The following TTC28 variants were observed in gnomAD, a reference collection of about 807,000 sequenced individuals.
TTC28 encodes tetratricopeptide repeat domain 28, also known as tetratricopeptide repeat protein 28.
TTC28 carries 61 observed loss-of-function variants against 198.0 expected under a neutral mutation model. The observed-to-expected ratio is 0.31, with a 90% CI of 0.25 to 0.38. TTC28 has a LOEUF of 0.38. Ranked by LOEUF, TTC28 falls within the 10% of genes least tolerant of loss-of-function variation. The pLI is 1.00. For synonymous variants in TTC28, 1,171 were observed against 1,297.8 expected (o/e 0.90, Z 2.10); for missense variants, 2,678 against 3,164.0 (o/e 0.85, Z 3.69).
rs999216448 is a variant in TTC28 at position 28,579,693 on chromosome 22, C to A, written c.381+49859G>T. ...ACCCAAAAAAAACCGAAGGGCTGAGCACAGTGGCTCACGCCTATAATCCCA... is the reference window on the plus strand; with the variant it reads ...ACCCAAAAAAAACCGAAGGGCTGAGAACAGTGGCTCACGCCTATAATCCCA... On this transcript the variant is annotated intron_variant, in intron 2 of 22. Transcript: ENST00000397906. 2.0e-5 allele frequency among the ~76,000 whole-genome samples: 3 copies of A among 151,670 alleles called. No individual in the cohort carries two copies. The South Asian group carries it at 6.2e-4, about 32-fold the overall frequency.
At chr22:28,548,484 G>A (rs1216293250) in intron 2 of TTC28, among the ~76,000 whole-genome samples, 1 of 152,134 alleles carries the variant, frequency 6.6e-6, no homozygotes, top group African/African-American at 2.4e-5. Flanking sequence ...CAAATCATCA[G>A]TTATAAAGCT....
At chr22:28,018,307 G>A (rs1480510488) in intron 13 of TTC28, among the ~76,000 whole-genome samples, 1 of 42,750 alleles carries the variant, frequency 2.3e-5, no homozygotes, top group African/African-American at 1.4e-4. Context: ...GTGCGCGCGC[G>A]GGGGGGGGGG....
intron 6 of TTC28, among the ~76,000 whole-genome samples, chr22:28,113,472 T>C (rs899463953): frequency 6.6e-6 from 1 of 152,164 alleles, no homozygotes. Context: ...TAATGGAGAT[T>C]CGTCTCCAGT....
intron 2 of TTC28, among the ~76,000 whole-genome samples, chr22:28,575,308 C>T (rs959886192): frequency 6.6e-6 from 1 of 152,092 alleles, no homozygotes; most frequent in Non-Finnish European, 1.5e-5. Flanking sequence ...GTTCTTGGCA[C>T]CTTTGTCAAA....
At chr22:28,296,094 G>A in intron 5 of TTC28, 104 bp downstream of exon 5, 1 of 1,225,568 alleles carries the variant, frequency 8.2e-7, no homozygotes, top group Non-Finnish European at 1.1e-6. Context: ...TCTTCTGAAA[G>A]TAATATTTTA....
chr22:28,354,929 C>T (rs576998504), intron 2 of TTC28, among the ~76,000 whole-genome samples: 7 of 150,848 alleles, frequency 4.6e-5, no homozygotes, highest in African/African-American at 1.5e-4. Context: ...CCCACTAACT[C>T]GTCATCTAGC....
At chr22:28,116,226 T>C (rs1415737487) in intron 6 of TTC28, among the ~76,000 whole-genome samples, 2 of 152,126 alleles carry the variant, frequency 1.3e-5, no homozygotes, top group African/African-American at 2.4e-5. Context: ...ACTGCCTTCA[T>C]GCATAGCCAT....
At chr22:28,164,309 C>A (rs551134868) in intron 5 of TTC28, among the ~76,000 whole-genome samples, 49 of 152,312 alleles carry the variant, frequency 3.2e-4, no homozygotes, top group Admixed American at 9.2e-4. Flanking sequence ...GTTCTCCCAG[C>A]ACGCAACCTG....
intron 2 of TTC28, among the ~76,000 whole-genome samples, chr22:28,457,037 ATAAG>A (rs1328930198): frequency 1.3e-5 from 2 of 152,242 alleles, no homozygotes; most frequent in African/African-American, 2.4e-5. Context: ...TGAATTTATT[ATAAG>A]TAAGACCACA....
At chr22:28,576,210 G>T in intron 2 of TTC28, among the ~76,000 whole-genome samples, 1 of 151,544 alleles carries the variant, frequency 6.6e-6, no homozygotes. Context: ...AAGGGATGTT[G>T]AGTTTTATCA....
At chr22:28,264,558 G>C (rs1407249065) in intron 5 of TTC28, among the ~76,000 whole-genome samples, 1 of 152,158 alleles carries the variant, frequency 6.6e-6, no homozygotes, top group African/African-American at 2.4e-5. Flanking sequence ...GGAAGAGAGA[G>C]ATACATAGAT....
At chr22:28,190,827 G>C (rs1924665512) in intron 5 of TTC28, among the ~76,000 whole-genome samples, 2 of 152,148 alleles carry the variant, frequency 1.3e-5, no homozygotes, top group Admixed American at 6.5e-5. Context: ...GGGAGCTCGT[G>C]TTTTGAGGCC....
At chr22:28,090,170 GA>G (rs1941769553) in intron 12 of TTC28, among the ~76,000 whole-genome samples, 2 of 151,444 alleles carry the variant, frequency 1.3e-5, no homozygotes, top group Admixed American at 6.6e-5. Context: ...TAAAAATAAG[GA>G]AAAGTAAAAA....
chr22:28,286,127 G>A (rs2044682132), intron 5 of TTC28, among the ~76,000 whole-genome samples: 1 of 151,596 alleles, frequency 6.6e-6, no homozygotes, highest in African/African-American at 2.4e-5. Context: ...AGCCTCTAGA[G>A]GTTCAAGATT....
chr22:28,048,580 A>C (rs1939958400), intron 12 of TTC28, among the ~76,000 whole-genome samples: 1 of 152,226 alleles, frequency 6.6e-6, no homozygotes, highest in Non-Finnish European at 1.5e-5. Context: ...AAATTCTTTC[A>C]AATTAATCTT....
intron 1 of TTC28, among the ~76,000 whole-genome samples, 176 bp from the exon 2 acceptor site, chr22:28,630,006 T>TA (rs1185560717): frequency 1.3e-5 from 2 of 152,126 alleles, no homozygotes; most frequent in East Asian, 3.9e-4. Flanking sequence ...CATGAACAGA[T>TA]TAATGCCCTC....
At position 28,098,990 on chromosome 22, in the gene TTC28, T is replaced by C; in HGVS notation, c.3472A>G (p.Thr1158Ala). The C allele has an allele frequency of 6.4e-7, 1 of 1,551,968 alleles. No individual in the cohort carries two copies. The highest frequency in any genetic ancestry group is 8.7e-7 in the Non-Finnish European group (1 of 1,147,050). The stretch of plus-strand genomic sequence containing the variant: ...TCAAAGAGGGAGAGTTTGTAGTCCG[T>C]GCTCAGCTGTGCCTCATGTCGGATT... ...ETIRHEAQLS[T>A]DYKLSLFDLQ... is the part of the protein sequence containing the mutation. Residue 1158 changes from threonine (T) to alanine (A), a missense_variant, in exon 10 of 23, where the codon ACG (threonine) becomes GCG (alanine). By Grantham distance (58) the Thr-to-Ala change is moderately conservative. This residue lies in a region of TTC28 where 727 missense variants were observed against 861.9 expected (regional missense o/e 0.84). Coordinates refer to ENST00000397906, the MANE Select transcript of TTC28 (RefSeq NM_001145418.2).
At chr22:28,178,155 T>A (rs1412196895) in intron 5 of TTC28, among the ~76,000 whole-genome samples, 1 of 152,014 alleles carries the variant, frequency 6.6e-6, no homozygotes, top group African/African-American at 2.4e-5. Context: ...CTAAAACTGC[T>A]AGAAGAAAAG....
At chr22:28,129,766 G>A (rs943512299) in intron 6 of TTC28, among the ~76,000 whole-genome samples, 9 of 152,172 alleles carry the variant, frequency 5.9e-5, no homozygotes, top group Non-Finnish European at 1.2e-4. Context: ...CTACATTGGC[G>A]GGGGAGATGA....
Sources: allele counts gnomAD v4.1 joint callset (sites outside exome capture counted in the v4.1 genomes callset), GRCh38; gene constraint gnomAD v4.1.1; regional missense constraint gnomAD v4.1.1; transcripts MANE v1.5; gene names NCBI Gene and HGNC (gene_info 2026-07-23, HGNC 2026-07-21).